Variants in TMEM74 observed in about 807,000 individuals in gnomAD.
TMEM74 encodes the protein transmembrane protein 74.
Under a neutral mutation model 18.1 loss-of-function variants are expected in TMEM74, and 13 were observed. That is an observed-to-expected ratio of 0.72 (90% CI 0.47 to 1.14). The LOEUF is 1.14. TMEM74 is among the 50% of genes most tolerant of loss of function. The pLI, the probability that TMEM74 is intolerant of heterozygous loss-of-function variation, is 0.00. For missense variants in TMEM74, 372 were observed against 375.9 expected (o/e 0.99, Z 0.09); for synonymous variants, 159 against 146.6 (o/e 1.08, Z -0.61).
intron 1 of TMEM74, among the ~76,000 whole-genome samples, chr8:108,756,157 T>G (rs1813957412): frequency 6.6e-6 from 1 of 152,056 alleles, no homozygotes; most frequent in East Asian, 1.9e-4. Flanking sequence ...TTAGGTTTTA[T>G]CCACCTCAAA....
intron 1 of TMEM74, among the ~76,000 whole-genome samples, chr8:108,704,863 G>C (rs1330063594): frequency 2.0e-5 from 3 of 152,222 alleles, no homozygotes; most frequent in African/African-American, 7.2e-5. Flanking sequence ...GAGTACAAGT[G>C]TCAAACTGTC....
chr8:108,754,666 GGTAGC>G (rs1813938837), intron 1 of TMEM74, among the ~76,000 whole-genome samples: 1 of 151,524 alleles, frequency 6.6e-6, no homozygotes, highest in African/African-American at 2.4e-5. Context: ...TAGGTAGCTA[GGTAGC>G]TAGGTAGCTA....
chr8:108,633,101 T>C (rs1399108207), intron 2 of TMEM74, among the ~76,000 whole-genome samples: 2 of 152,006 alleles, frequency 1.3e-5, no homozygotes, highest in African/African-American at 4.8e-5. Context: ...CAAGCCTTGG[T>C]TGTTTCTGTG....
chr8:108,675,877 T>C (rs959247772), intron 1 of TMEM74, among the ~76,000 whole-genome samples: 2 of 152,226 alleles, frequency 1.3e-5, no homozygotes, highest in Non-Finnish European at 2.9e-5. Context: ...CAGGACCATG[T>C]AATATTGAAG....
intron 2 of TMEM74, among the ~76,000 whole-genome samples, chr8:108,624,535 T>C (rs753953644): frequency 1.8e-4 from 28 of 152,220 alleles, no homozygotes; most frequent in Non-Finnish European, 2.5e-4. Flanking sequence ...CTCTGACATG[T>C]CAAAATAGAT....
intron 2 of TMEM74, among the ~76,000 whole-genome samples, chr8:108,645,339 T>C (rs1285090234): frequency 6.6e-6 from 1 of 152,146 alleles, no homozygotes; most frequent in African/African-American, 2.4e-5. Context: ...AAATTGACAC[T>C]GGAAACTCCA....
intron 1 of TMEM74, among the ~76,000 whole-genome samples, chr8:108,669,049 T>C (rs1812976693): frequency 6.6e-5 from 10 of 152,084 alleles, no homozygotes; most frequent in Admixed American, 5.9e-4. Context: ...TCTTGGTGCC[T>C]GAGATCTTGG....
intron 2 of TMEM74, among the ~76,000 whole-genome samples, chr8:108,623,255 A>G (rs1812460703): frequency 6.6e-6 from 1 of 152,120 alleles, no homozygotes; most frequent in Non-Finnish European, 1.5e-5. Context: ...TCCTTTCTAA[A>G]TGCTGTGAAA....
intron 2 of TMEM74, among the ~76,000 whole-genome samples, chr8:108,611,703 C>T (rs1271217460): frequency 6.6e-6 from 1 of 152,110 alleles, no homozygotes; most frequent in Non-Finnish European, 1.5e-5. Context: ...ATTAACAATG[C>T]CAGGTAAATA....
At chr8:108,611,307 T>A (rs1812331599) in intron 2 of TMEM74, among the ~76,000 whole-genome samples, 1 of 152,120 alleles carries the variant, frequency 6.6e-6, no homozygotes, top group Non-Finnish European at 1.5e-5. Context: ...GATAAAGACT[T>A]TATAGGAGAC....
At chr8:108,642,922 C>A (rs1586244472) in intron 2 of TMEM74, among the ~76,000 whole-genome samples, 2 of 152,226 alleles carry the variant, frequency 1.3e-5, no homozygotes, top group East Asian at 1.9e-4. Context: ...GAATGATAAT[C>A]CCATAGAAAA....
intron 1 of TMEM74, among the ~76,000 whole-genome samples, chr8:108,715,054 T>C (rs1813509545): frequency 6.6e-6 from 1 of 152,202 alleles, no homozygotes; most frequent in Admixed American, 6.5e-5. Context: ...TTCTTTTTTG[T>C]CAAAAGCTAC....
chr8:108,678,710 A>C (rs944985599), intron 1 of TMEM74, among the ~76,000 whole-genome samples: 1 of 150,504 alleles, frequency 6.6e-6, no homozygotes, highest in African/African-American at 2.4e-5. Context: ...TTGCTTTATA[A>C]GATTTATTGC....
At chr8:108,638,771 T>G (rs1260828399) in intron 2 of TMEM74, among the ~76,000 whole-genome samples, 5 of 152,184 alleles carry the variant, frequency 3.3e-5, no homozygotes, top group Non-Finnish European at 5.9e-5. Flanking sequence ...TGTGTAATTT[T>G]CACACAGGTC....
intron 1 of TMEM74, among the ~76,000 whole-genome samples, chr8:108,715,350 C>T (rs1207042501): frequency 6.6e-6 from 1 of 151,870 alleles, no homozygotes; most frequent in Non-Finnish European, 1.5e-5. Flanking sequence ...ATCATTCATA[C>T]CCCAAACTTC....
chr8:108,660,260 A>G (rs1447337224), intron 1 of TMEM74, among the ~76,000 whole-genome samples: 4 of 151,814 alleles, frequency 2.6e-5, no homozygotes, highest in Non-Finnish European at 5.9e-5. Context: ...TTTCTCTACT[A>G]CTCCCTACTC....
intron 1 of TMEM74, among the ~76,000 whole-genome samples, chr8:108,755,514 A>T (rs1197994166): frequency 6.6e-6 from 1 of 152,142 alleles, no homozygotes; most frequent in African/African-American, 2.4e-5. Context: ...ATTTAAGCTT[A>T]AAGAGGACAT....
At position 108,784,154 on chromosome 8, in the gene TMEM74, A is replaced by G. The variant is rs191423732; in HGVS notation, c.*27T>C. ...TTTTCATATTATAAAATGCCAAGGC[A>G]GACTCTCAAGATATTCACAACCAGA... On this transcript the variant is annotated 3_prime_UTR_variant, in exon 2 of 2. Transcript: ENST00000297459. The G allele has an allele frequency of 8.2e-5, 123 of 1,505,400 alleles. No individual in the cohort carries two copies. The highest frequency in any genetic ancestry group is 7.1e-4 in the Middle Eastern group (4 of 5,662). 93.3% of individuals were successfully genotyped at this position (1,505,400 alleles called of 1,614,324 possible).
In TMEM74 at chr8:108,784,973, A is replaced by G; in HGVS notation, c.126T>C (p.Cys42=). 6.2e-7 allele frequency: 1 copy of G among 1,614,128 alleles called. No individual in the cohort carries two copies. Among genetic ancestry groups the G allele is most frequent in the South Asian group, 1.1e-5 (1 of 91,068 alleles). The part of the protein sequence containing the change: ...DTAATRAALC[C]QKQCASTPRA... ...TTGGGGTGGATGCACACTGTTTCTGACAGCAGAGAGCAGCTCTTGTGGCTG... is the reference window on the plus strand; with the variant it reads ...TTGGGGTGGATGCACACTGTTTCTGGCAGCAGAGAGCAGCTCTTGTGGCTG... The change falls in exon 2 of 2, where the codon TGT becomes TGC. Residue 42 remains cysteine, a synonymous_variant. Transcript: ENST00000297459.
Sources: gnomAD v4.1 joint callset for allele counts (sites outside exome capture counted in the v4.1 genomes callset) on GRCh38, gnomAD v4.1.1 for gene constraint, MANE v1.5 for transcripts, NCBI Gene and HGNC (gene_info 2026-07-23, HGNC 2026-07-21) for gene names.